The following CDKAL1 variants were observed in gnomAD, a reference collection of about 807,000 sequenced individuals.
CDKAL1 encodes the protein threonylcarbamoyladenosine tRNA methylthiotransferase.
In CDKAL1, 32 loss-of-function variants were observed where a neutral mutation model predicts 68.2. The ratio of observed to expected loss-of-function variants is 0.47; its 90% CI spans 0.35 to 0.63. The LOEUF (loss-of-function observed/expected upper bound fraction) is 0.63. Among genes scored for constraint, CDKAL1 ranks in the 30% least tolerant of loss-of-function variants. The pLI, the probability that CDKAL1 is intolerant of heterozygous loss-of-function variation, is 0.00. For synonymous variants in CDKAL1, 234 were observed against 244.3 expected, an observed-to-expected ratio of 0.96 and a Z score of 0.39; for missense variants, 606 against 696.7, an observed-to-expected ratio of 0.87 and a Z score of 1.47.
rs534533605 is a variant in CDKAL1, at chr6:20,966,786, G to A, written c.909+11201G>A. Among the ~76,000 whole-genome samples the A allele has an allele frequency of 7.0e-4, 106 of 152,282 alleles. 2 individuals carry two copies. In the South Asian group the frequency reaches 0.021, roughly 30 times the overall value. ...ATCAGCTTTTATTTTGCAATGTCAT[G>A]TGGAATATCAGGCTACCTTCTGATT... On this transcript the variant is annotated intron_variant, in intron 10 of 15. Transcript: ENST00000274695.
intron 4 of CDKAL1, among the ~76,000 whole-genome samples, chr6:20,582,595 A>C (rs1004572436): frequency 6.6e-6 from 1 of 152,094 alleles, no homozygotes; most frequent in African/African-American, 2.4e-5. Context: ...CTGAAATCCA[A>C]CCTATTTTGA....
At chr6:20,819,919 C>G (rs1777204931) in intron 8 of CDKAL1, among the ~76,000 whole-genome samples, 1 of 152,140 alleles carries the variant, frequency 6.6e-6, no homozygotes, top group Non-Finnish European at 1.5e-5. Flanking sequence ...GCAGTGCCAA[C>G]CGCTTTCAGT....
chr6:20,771,761 T>C (rs1346300105), intron 7 of CDKAL1, among the ~76,000 whole-genome samples: 1 of 152,150 alleles, frequency 6.6e-6, no homozygotes, highest in Non-Finnish European at 1.5e-5. Flanking sequence ...GTGTGTTATC[T>C]GTCCCCTTCG....
intron 9 of CDKAL1, among the ~76,000 whole-genome samples, chr6:20,953,123 A>C (rs1240565512): frequency 6.6e-6 from 1 of 152,154 alleles, no homozygotes. Flanking sequence ...AGCAGCCTTG[A>C]TCTTGGAAAC....
intron 11 of CDKAL1, among the ~76,000 whole-genome samples, chr6:21,034,660 C>T (rs1251104855): frequency 6.6e-6 from 1 of 152,110 alleles, no homozygotes; most frequent in Non-Finnish European, 1.5e-5. Flanking sequence ...TTAAATCAGG[C>T]CAACACAAAC....
rs1290554961 is a variant in CDKAL1, at chr6:20,763,005, G to A, written c.517+4362G>A. On this transcript the variant is annotated intron_variant, in intron 7 of 15. Transcript: ENST00000274695. ...TGTTTCTTATATATTTTTTCACTGT[G>A]CTTTACATTTACTTGATGGTCCTCC... Among the ~76,000 whole-genome samples, 4 of 152,062 alleles carry A rather than the reference G, an allele frequency of 2.6e-5. No individual in the cohort carries two copies. In the East Asian group the frequency reaches 5.8e-4, roughly 22 times the overall value.
intron 8 of CDKAL1, among the ~76,000 whole-genome samples, chr6:20,816,122 C>T (rs1008443678): frequency 3.6e-4 from 3 of 8,290 alleles, no homozygotes; most frequent in Admixed American, 1.3e-3. Flanking sequence ...TTAATATGTC[C>T]CCCCCCCCGC....
At position 20,919,010 on chromosome 6, in the gene CDKAL1, G is replaced by A. The variant is rs148948561; in HGVS notation, c.743-36409G>A. Reference sequence around the variant, plus strand: ...CAGAAGAGGTTCTGATTAAATATGCGTGCTTAATGATGGAAGTGGTTTTCC... The same window carrying A: ...CAGAAGAGGTTCTGATTAAATATGCATGCTTAATGATGGAAGTGGTTTTCC... On this transcript the variant is annotated intron_variant, in intron 9 of 15. Transcript: ENST00000274695. Among the ~76,000 whole-genome samples, 250 of 152,260 alleles carry A rather than the reference G, an allele frequency of 1.6e-3. 1 individual carries two copies. The highest frequency in any genetic ancestry group is 5.5e-3 in the African/African-American group (227 of 41,548).
chr6:21,129,682 C>CAAAAAAAAAAAAAAAAAAAA (rs34802727), intron 13 of CDKAL1, among the ~76,000 whole-genome samples: 2 of 69,016 alleles, frequency 2.9e-5, no homozygotes, highest in African/African-American at 5.6e-5. Flanking sequence ...TGCAGTTTAC[C>CAAAAAAAAAAAAAAAAAAAA]AAAAAAAAAA....
At chr6:20,853,386 C>CAAAAAAAAAAAAA (rs751328082) in intron 9 of CDKAL1, among the ~76,000 whole-genome samples, 3 of 32,416 alleles carry the variant, frequency 9.3e-5, no homozygotes, top group Admixed American at 2.5e-4. Context: ...TCTCAAAAAA[C>CAAAAAAAAAAAAA]AAAACAAAAA....
intron 9 of CDKAL1, among the ~76,000 whole-genome samples, chr6:20,923,397 T>C (rs1369476221): frequency 6.6e-6 from 1 of 152,190 alleles, no homozygotes. Flanking sequence ...CTGTGCCACA[T>C]TTTGGTATGT....
chr6:20,663,785 G>C (rs1769399857), intron 5 of CDKAL1, among the ~76,000 whole-genome samples: 1 of 152,038 alleles, frequency 6.6e-6, no homozygotes, highest in Admixed American at 6.6e-5. Flanking sequence ...TAAAACAAAA[G>C]TGGAGTTTAT....
chr6:20,773,655 C>T (rs1202616580), intron 7 of CDKAL1, among the ~76,000 whole-genome samples: 2 of 151,280 alleles, frequency 1.3e-5, no homozygotes, highest in Non-Finnish European at 2.9e-5. Context: ...TCACGCCATT[C>T]TCCTGCCTCA....
chr6:21,081,572 CTT>C (rs201718303), intron 12 of CDKAL1, among the ~76,000 whole-genome samples: 27 of 137,406 alleles, frequency 2.0e-4, no homozygotes, highest in East Asian at 4.3e-4. Flanking sequence ...AATGATATAT[CTT>C]TTTTTTTTTT....
At chr6:20,883,168 G>T (rs1028964802) in intron 9 of CDKAL1, among the ~76,000 whole-genome samples, 1 of 152,122 alleles carries the variant, frequency 6.6e-6, no homozygotes, top group Non-Finnish European at 1.5e-5. Flanking sequence ...CTTCCAAGTG[G>T]ACCTTCCCAG....
At chr6:20,943,120 G>T (rs1764065185) in intron 9 of CDKAL1, among the ~76,000 whole-genome samples, 1 of 150,620 alleles carries the variant, frequency 6.6e-6, no homozygotes, top group South Asian at 2.1e-4. Context: ...AGTAGTGCTG[G>T]TATTGAGTTC....
chr6:20,908,953 C>T (rs993746984), intron 9 of CDKAL1, among the ~76,000 whole-genome samples: 5 of 152,176 alleles, frequency 3.3e-5, no homozygotes, highest in Non-Finnish European at 7.3e-5. Flanking sequence ...TCATGCTACA[C>T]TATGATTGAA....
rs36008085 is a variant in CDKAL1, at chr6:21,143,996, T to TAA, written c.1299+35542_1299+35543dup. On this transcript the variant is annotated intron_variant, in intron 13 of 15. Transcript: ENST00000274695. ...GCTAAGGGAAGAGAGAGTTGGATGG[T>TAA]AAAAAAAAAACAGCACAATTTTAGT... Among the ~76,000 whole-genome samples the TAA allele has an allele frequency of 3.2e-3, 483 of 149,998 alleles. 2 individuals are homozygous for TAA. Among genetic ancestry groups the TAA allele is most frequent in the African/African-American group, 0.01 (425 of 40,954 alleles).
intron 9 of CDKAL1, among the ~76,000 whole-genome samples, chr6:20,899,910 T>G (rs938216799): frequency 6.6e-6 from 1 of 152,222 alleles, no homozygotes; most frequent in African/African-American, 2.4e-5. Flanking sequence ...CTCATTTTAC[T>G]GATGAGGAAA....
Sources: allele counts gnomAD v4.1 joint callset (sites outside exome capture counted in the v4.1 genomes callset), GRCh38; gene constraint gnomAD v4.1.1; transcripts MANE v1.5; gene names NCBI Gene and HGNC (gene_info 2026-07-23, HGNC 2026-07-21).